The following KAZN variants were observed in gnomAD, a reference collection of about 807,000 sequenced individuals.
KAZN encodes kazrin, periplakin interacting protein.
Under a neutral mutation model 87.4 loss-of-function variants are expected in KAZN, and 40 were observed. The ratio of observed to expected loss-of-function variants is 0.46; its 90% CI spans 0.36 to 0.60. The LOEUF (loss-of-function observed/expected upper bound fraction) is 0.60. Ranked by LOEUF, KAZN falls within the 20% of genes least tolerant of loss-of-function variation. The pLI is 0.00. For missense variants in KAZN, 898 were observed against 1,073.9 expected, an observed-to-expected ratio of 0.84 and a Z score of 2.29; for synonymous variants, 466 against 458.3, an observed-to-expected ratio of 1.02 and a Z score of -0.22.
intron 1 of KAZN, among the ~76,000 whole-genome samples, chr1:14,907,838 C>T (rs1040652500): frequency 6.6e-6 from 1 of 152,098 alleles, no homozygotes; most frequent in African/African-American, 2.4e-5. Context: ...AGCTCTCATC[C>T]CAGTGGAAGG....
chr1:14,725,879 G>T (rs779393877), intron 1 of KAZN, among the ~76,000 whole-genome samples: 2 of 152,158 alleles, frequency 1.3e-5, no homozygotes, highest in African/African-American at 2.4e-5. Flanking sequence ...CCAGTCCCTG[G>T]ACCACCCTTT....
chr1:14,900,192 C>A lies in KAZN; in HGVS notation c.227-60492C>A, dbSNP rs116993196. On this transcript the variant is annotated intron_variant, in intron 1 of 14. Coordinates refer to ENST00000376030, the MANE Select transcript of KAZN (RefSeq NM_201628.3). ...TGAGAGAAGCGAACAGCCTCAAAGA[C>A]CCCAGGGCCAATGTTCTGATTCCCG... 2.0e-3 allele frequency among the ~76,000 whole-genome samples: 300 copies of A among 152,270 alleles called. 5 individuals carry two copies. In the East Asian group the frequency reaches 0.04, roughly 20 times the overall value.
At chr1:14,131,443 G>A (rs1051970055) in intron 1 of KAZN, among the ~76,000 whole-genome samples, 4 of 152,144 alleles carry the variant, frequency 2.6e-5, no homozygotes, top group Non-Finnish European at 5.9e-5. Flanking sequence ...TGGAATTTGT[G>A]TAGTTTGCCT....
At chr1:14,427,462 A>C (rs1665795441) in intron 2 of KAZN, among the ~76,000 whole-genome samples, 1 of 152,178 alleles carries the variant, frequency 6.6e-6, no homozygotes, top group African/African-American at 2.4e-5. Flanking sequence ...TACCTCACTC[A>C]GCCTTTTGGC....
chr1:14,274,274 C>T (rs1652179116), intron 2 of KAZN, among the ~76,000 whole-genome samples: 1 of 152,194 alleles, frequency 6.6e-6, no homozygotes, highest in Non-Finnish European at 1.5e-5. Context: ...GGATAAGTGG[C>T]TCCCTTGCTG....
rs74059512 is a variant in KAZN at position 14,444,665 on chromosome 1, G to T, written c.250-154318G>T. 9.9e-3 allele frequency among the ~76,000 whole-genome samples: 1,513 copies of T among 152,118 alleles called. 28 individuals are homozygous for T. Among genetic ancestry groups the T allele is most frequent in the African/African-American group, 0.034 (1,428 of 41,490 alleles). ...TCGCTTCAATTCACCCCGACGTCTG[G>T]GTAGAATCGGGGTTCTTCAGTGGAT... On this transcript the variant is annotated intron_variant, in intron 2 of 16. Coordinates refer to the KAZN transcript ENST00000636203.
intron 2 of KAZN, among the ~76,000 whole-genome samples, chr1:14,349,645 T>C (rs1325545876): frequency 6.6e-6 from 1 of 151,998 alleles, no homozygotes; most frequent in Non-Finnish European, 1.5e-5. Context: ...CCTATAGACA[T>C]TTGAGTTTGA....
At chr1:14,642,385 G>C (rs1445165790) in intron 1 of KAZN, among the ~76,000 whole-genome samples, 2 of 152,204 alleles carry the variant, frequency 1.3e-5, no homozygotes, top group Non-Finnish European at 2.9e-5. Flanking sequence ...GGGTGACAGA[G>C]TGAGACTCCA....
At chr1:14,412,090 C>A (rs1664351332) in intron 2 of KAZN, among the ~76,000 whole-genome samples, 1 of 152,064 alleles carries the variant, frequency 6.6e-6, no homozygotes, top group Admixed American at 6.5e-5. Context: ...ACTTGATGTT[C>A]ATTCTCAGGG....
intron 2 of KAZN, among the ~76,000 whole-genome samples, chr1:14,451,847 G>T (rs1332167241): frequency 2.0e-5 from 3 of 152,182 alleles, no homozygotes; most frequent in Non-Finnish European, 4.4e-5. Context: ...AAGACAGTCA[G>T]GTAGACTGAG....
chr1:14,966,775 G>A (rs930346739), intron 2 of KAZN, among the ~76,000 whole-genome samples: 1 of 152,052 alleles, frequency 6.6e-6, no homozygotes, highest in South Asian at 2.1e-4. Flanking sequence ...GGGTTCAGAC[G>A]ATTCTCCTGT....
chr1:14,524,365 T>C (rs555089606), intron 2 of KAZN, among the ~76,000 whole-genome samples: 1 of 152,162 alleles, frequency 6.6e-6, no homozygotes, highest in East Asian at 1.9e-4. Flanking sequence ...CCTGGAAGCA[T>C]GGAGGCAGGG....
intron 1 of KAZN, among the ~76,000 whole-genome samples, chr1:14,639,531 T>C (rs1218886729): frequency 1.3e-5 from 2 of 152,168 alleles, no homozygotes; most frequent in East Asian, 1.9e-4. Context: ...AAATGCCCTA[T>C]GGAGTAGAGG....
intron 1 of KAZN, among the ~76,000 whole-genome samples, chr1:14,796,741 G>T (rs182107297): frequency 1.3e-5 from 2 of 152,294 alleles, no homozygotes; most frequent in East Asian, 3.9e-4. Flanking sequence ...GAGAGTCCTC[G>T]CCCCCATCAC....
chr1:14,580,535 G>C (rs1421576836), intron 2 of KAZN, among the ~76,000 whole-genome samples: 1 of 152,042 alleles, frequency 6.6e-6, no homozygotes, highest in Non-Finnish European at 1.5e-5. Context: ...TAATAGCGCA[G>C]CCATGTGTAA....
intron 1 of KAZN, among the ~76,000 whole-genome samples, chr1:14,048,394 T>TC (rs1461392270): frequency 1.7e-5 from 1 of 57,418 alleles, no homozygotes; most frequent in East Asian, 4.9e-4. Context: ...CTAAAATACT[T>TC]CTTTTTTTTT....
At chr1:15,112,810 G>C in intron 14 of KAZN, 2 of 338,890 alleles carry the variant, frequency 5.9e-6, no homozygotes, top group Non-Finnish European at 5.5e-6. Context: ...AATCACCTGG[G>C]GCTATTACTG....
chr1:14,851,722 G>A (rs527284160), intron 1 of KAZN, among the ~76,000 whole-genome samples: 6 of 152,332 alleles, frequency 3.9e-5, no homozygotes, highest in South Asian at 2.1e-4. Flanking sequence ...GGCAAGGCCC[G>A]CCTGAAGGAG....
intron 2 of KAZN, among the ~76,000 whole-genome samples, chr1:14,416,959 T>G (rs1361166093): frequency 4.9e-5 from 7 of 144,276 alleles, no homozygotes; most frequent in Non-Finnish European, 9.4e-5. Flanking sequence ...TATGTGTATG[T>G]GTGTATACAT....
Sources: allele counts gnomAD v4.1 joint callset (sites outside exome capture counted in the v4.1 genomes callset), GRCh38; gene constraint gnomAD v4.1.1; transcripts MANE v1.5; gene names NCBI Gene and HGNC (gene_info 2026-07-23, HGNC 2026-07-21).